SLC8B1: variants seen among roughly 807,000 people sequenced by gnomAD.
SLC8B1 encodes the protein solute carrier family 8 member B1.
A neutral mutation model predicts 63.4 loss-of-function variants in SLC8B1; 52 were observed. The ratio of observed to expected loss-of-function variants is 0.82; its 90% confidence interval spans 0.66 to 1.03. The LOEUF is 1.03. Ranked by LOEUF, SLC8B1 falls within the 50% of genes least tolerant of loss-of-function variation. SLC8B1 has a pLI of 0.00. For missense variants in SLC8B1, 657 were observed against 741.7 expected (o/e 0.89, Z 1.33); for synonymous variants, 336 against 323.9 (o/e 1.04, Z -0.40).
chr12:113,333,261 T>G (rs886929723), intron 1 of SLC8B1, among the ~76,000 whole-genome samples: 2 of 149,554 alleles, frequency 1.3e-5, no homozygotes, highest in African/African-American at 5.0e-5. Context: ...GAGCCAAGAT[T>G]CAGAGTCTCA....
chr12:113,309,829 C>T (rs774939352), intron 12 of SLC8B1, among the ~76,000 whole-genome samples: 23 of 150,756 alleles, frequency 1.5e-4, no homozygotes, highest in Non-Finnish European at 2.2e-4. Flanking sequence ...CATAGAGACG[C>T]GGAGTAGAGT....
chr12:113,330,842 C>G (rs1957045932), intron 2 of SLC8B1, among the ~76,000 whole-genome samples: 1 of 152,070 alleles, frequency 6.6e-6, no homozygotes, highest in African/African-American at 2.4e-5. Context: ...GGTGAGAACT[C>G]CAGTCCCTGG....
intron 10 of SLC8B1, 48 bp downstream of exon 10, chr12:113,316,478 T>C (rs746411682): frequency 1.2e-6 from 2 of 1,600,472 alleles, no homozygotes; most frequent in South Asian, 2.3e-5. Flanking sequence ...GTGGCCACTG[T>C]CTTGCTGCTG....
In SLC8B1 at chr12:113,307,467, A is replaced by T. The variant is rs1956691685; in HGVS notation, c.1411+224T>A. Among the ~76,000 whole-genome samples the T allele has an allele frequency of 2.0e-5, 3 of 152,228 alleles. No homozygotes were observed. In the South Asian group the frequency reaches 6.2e-4, roughly 32 times the overall value. ...GAGCCACCGACCATCCCCGCATCAG[A>T]GGGTGGGGAAGAGGCAGGGGCCTCT... On this transcript the variant is annotated intron_variant, in intron 13 of 15. Transcript: ENST00000680972.
Position 113,320,234 on chromosome 12 carries a change from C to A in SLC8B1, c.694+97G>T, listed in dbSNP as rs1302620097. 2.1e-6 allele frequency: 3 copies of A among 1,407,220 alleles called. No individual in the cohort carries two copies. Among genetic ancestry groups the A allele is most frequent in the Admixed American group, 4.4e-5 (2 of 45,236 alleles). The allele number at this position is 1,407,220 out of a possible 1,614,324, so 87.2% of individuals were successfully genotyped here. ...GTCACTTGTAATCAAATCAAAGCCC[C>A]CACTGACCACCCCTCACACCTCTCT... On this transcript the variant is annotated intron_variant, in intron 7 of 15. Transcript: ENST00000680972. This position sits in a 1 kb window ranked among gnomAD's most constrained non-coding sequence, Gnocchi z 5.3.
chr12:113,328,872 C>T (rs751046063), intron 2 of SLC8B1, among the ~76,000 whole-genome samples: 23 of 152,108 alleles, frequency 1.5e-4, no homozygotes, highest in Admixed American at 9.2e-4. Context: ...CTACCTCAGC[C>T]TCCCGAGTAG....
chr12:113,323,806 C>A (rs1466667816), intron 2 of SLC8B1, among the ~76,000 whole-genome samples: 1 of 152,192 alleles, frequency 6.6e-6, no homozygotes, highest in African/African-American at 2.4e-5. Context: ...ACAGTTCCAC[C>A]TCCTCCACAA....
In SLC8B1 at chr12:113,321,180, C is replaced by T. The variant is rs747588494; in HGVS notation, c.309+16G>A. 6.2e-6 allele frequency: 10 copies of T among 1,613,926 alleles called. No homozygotes were observed. The highest frequency in any genetic ancestry group is 2.2e-5 in the East Asian group (1 of 44,890). On this transcript the variant is annotated intron_variant, in intron 3 of 15. Transcript: ENST00000680972. ...ACACCAGCCCCTCTCACCAGCCCCC[C>T]AGGGCAGGGCCTCACGTAGAGAGTG...
chr12:113,332,754 GCTGGAAA>G lies in SLC8B1; in HGVS notation c.118_124del (p.Phe40LeufsTer4). 7 of 1,614,122 alleles carry G rather than the reference GCTGGAAA, an allele frequency of 4.3e-6. No individual in the cohort carries two copies. The highest frequency in any genetic ancestry group is 5.9e-6 in the Non-Finnish European group (7 of 1,180,006). On this transcript the variant is annotated frameshift_variant, in exon 2 of 16. Coordinates refer to ENST00000680972, the MANE Select transcript of SLC8B1 (RefSeq NM_001358345.2). LOFTEE classifies it high-confidence loss of function. ...CACGGGGGTCTGGTTCACACCTGAAGCTGGAAACTGGGGGCTAATGTGAGCTCCTGTA... is the reference window on the plus strand; with the variant it reads ...CACGGGGGTCTGGTTCACACCTGAAGCTGGGGGCTAATGTGAGCTCCTGTA...
chr12:113,306,118 A>G (rs1187185245), intron 14 of SLC8B1, among the ~76,000 whole-genome samples: 1 of 150,748 alleles, frequency 6.6e-6, no homozygotes, highest in Non-Finnish European at 1.5e-5. Flanking sequence ...CTTTTAGAAA[A>G]AGTCTGCCAA....
In SLC8B1 at chr12:113,304,400, A is replaced by C. The variant is rs780699345; in HGVS notation, c.1493-15T>G. ...CACGAGGATGTCTGCAGCCCAGCTCAGGAAGCTTTGCTGGAATGGCCTGCA... is the reference window on the plus strand; with the variant it reads ...CACGAGGATGTCTGCAGCCCAGCTCCGGAAGCTTTGCTGGAATGGCCTGCA... On this transcript the variant is annotated splice_polypyrimidine_tract_variant and intron_variant, in intron 14 of 15. Coordinates refer to ENST00000680972, the MANE Select transcript of SLC8B1 (RefSeq NM_001358345.2). 6.8e-6 allele frequency: 11 copies of C among 1,613,278 alleles called. No homozygotes were observed.
rs1245286915 is a variant in SLC8B1, at chr12:113,299,986, T to C, written c.1558-12A>G. The C allele has an allele frequency of 6.2e-7, 1 of 1,611,736 alleles. No homozygotes were observed. Among genetic ancestry groups the C allele is most frequent in the African/African-American group, 1.3e-5 (1 of 74,868 alleles). On this transcript the variant is annotated splice_polypyrimidine_tract_variant and intron_variant, in intron 15 of 15. Coordinates refer to ENST00000680972, the MANE Select transcript of SLC8B1 (RefSeq NM_001358345.2). ...CCGTCTGGCTCCAGCTGTGGAAGAA[T>C]GAGGGGAGAGAGGCTGAGTCACTGC...
At chr12:113,303,174 C>T (rs997697068) in intron 15 of SLC8B1, among the ~76,000 whole-genome samples, 2 of 151,090 alleles carry the variant, frequency 1.3e-5, no homozygotes, top group African/African-American at 2.5e-5. Context: ...GGAAATAGGT[C>T]CCCTGAGGAG....
intron 15 of SLC8B1, among the ~76,000 whole-genome samples, chr12:113,304,108 T>G (rs1323749375): frequency 1.3e-5 from 2 of 152,150 alleles, no homozygotes; most frequent in Non-Finnish European, 2.9e-5. Flanking sequence ...CTCGAACTCC[T>G]GACCTCAAGT....
At position 113,305,746 on chromosome 12, in the gene SLC8B1, A is replaced by G. The variant is rs957644712; in HGVS notation, c.1492+749T>C. On this transcript the variant is annotated intron_variant, in intron 14 of 15. Transcript: ENST00000680972. This position sits in a 1 kb window ranked among gnomAD's most constrained non-coding sequence, Gnocchi z 4.3. ...GTTGAGTAGCTGCAAAACCGCCTGC[A>G]TGGCCCCCAAAGTCTAAAATATTTA... 2.0e-5 allele frequency among the ~76,000 whole-genome samples: 3 copies of G among 152,188 alleles called. No individual in the cohort carries two copies. Among genetic ancestry groups the G allele is most frequent in the South Asian group, 4.1e-4 (2 of 4,836 alleles).
intron 8 of SLC8B1, among the ~76,000 whole-genome samples, chr12:113,318,463 CATGT>C (rs1956874184): frequency 1.3e-5 from 2 of 149,558 alleles, no homozygotes; most frequent in African/African-American, 4.9e-5. Flanking sequence ...TGTATGTGTG[CATGT>C]ATTTGTGTGC....
chr12:113,332,595 G>A, intron 2 of SLC8B1, 128 bp downstream of exon 2: 1 of 1,128,632 alleles, frequency 8.9e-7, no homozygotes, highest in Non-Finnish European at 1.2e-6. Context: ...AGTGAATTTT[G>A]TCTCTATTGT....
chr12:113,321,075 C>A lies in SLC8B1; in HGVS notation c.343G>T (p.Gly115Ter), dbSNP rs146098247. 5.8e-4 allele frequency: 928 copies of A among 1,613,450 alleles called. 5 individuals are homozygous for A. The highest frequency in any genetic ancestry group is 2.3e-3 in the South Asian group (205 of 91,004). The stretch of plus-strand genomic sequence containing the variant: ...ACTCACAACTTGGCTGCGGTGACTC[C>A]CAGAATCAGAAACAGGTAGAGCAGC... ...SWLLYLFLILGVTAAKFFCPN... is the reference protein window; with the variant it reads ...SWLLYLFLIL The change falls in exon 4 of 16, where the codon GGA (glycine) becomes TGA (stop). Residue 115 changes from glycine (G) to a stop codon, truncating the protein, a stop_gained. Coordinates refer to ENST00000680972, the MANE Select transcript of SLC8B1 (RefSeq NM_001358345.2). LOFTEE classifies it high-confidence loss of function.
rs1240332493 is a variant in SLC8B1 at position 113,317,037 on chromosome 12, G to A, written c.803-36C>T. 3 of 1,593,580 alleles carry A rather than the reference G, an allele frequency of 1.9e-6. No homozygotes were observed. The East Asian group carries it at 6.7e-5, about 36-fold the overall frequency. Reference sequence around the variant, plus strand: ...GAGGCCCAGTTACATACAGAACCCAGACCATTTTCGAGGGGGCACACTGGG... The same window carrying A: ...GAGGCCCAGTTACATACAGAACCCAAACCATTTTCGAGGGGGCACACTGGG... On this transcript the variant is annotated intron_variant, in intron 8 of 15. Coordinates refer to ENST00000680972, the MANE Select transcript of SLC8B1 (RefSeq NM_001358345.2).
Sources: gnomAD v4.1 joint callset for allele counts (sites outside exome capture counted in the v4.1 genomes callset) on GRCh38, gnomAD v4.1.1 for gene constraint, Gnocchi (gnomAD v3.1) non-coding constraint, MANE v1.5 for transcripts, NCBI Gene and HGNC (gene_info 2026-07-23, HGNC 2026-07-21) for gene names.